Variants in FAM151B observed in about 807,000 individuals in gnomAD.
FAM151B encodes the protein protein FAM151B.
FAM151B carries 24 observed loss-of-function variants against 31.2 expected under a neutral mutation model. The ratio of observed to expected loss-of-function variants is 0.77; its 90% CI spans 0.56 to 1.08. FAM151B has a LOEUF of 1.08. FAM151B is among the 50% of genes least tolerant of loss of function. The probability of loss-of-function intolerance (pLI) is 0.00; values close to 1 mark genes in which losing one functional copy is unlikely to be tolerated. For synonymous variants in FAM151B, 105 were observed against 111.4 expected (o/e 0.94, Z 0.36); for missense variants, 293 against 328.6 (o/e 0.89, Z 0.84).
intron 3 of FAM151B, among the ~76,000 whole-genome samples, chr5:80,514,446 G>T (rs1744328054): frequency 6.7e-6 from 1 of 150,338 alleles, no homozygotes; most frequent in South Asian, 2.1e-4. Context: ...TTGAATTCCA[G>T]CCTGGGCTAC....
At chr5:80,489,145 A>G (rs139115481) in intron 1 of FAM151B, among the ~76,000 whole-genome samples, 326 of 152,308 alleles carry the variant, frequency 2.1e-3, no homozygotes, top group Middle Eastern at 0.01. Context: ...GTATACAATT[A>G]TATTGTAATT....
intron 1 of FAM151B, among the ~76,000 whole-genome samples, chr5:80,494,552 ACAC>A (rs1743460585): frequency 6.9e-6 from 1 of 145,226 alleles, no homozygotes; most frequent in East Asian, 2.0e-4. Context: ...TCCCTCTGTA[ACAC>A]AGGCTGGAGG....
intron 5 of FAM151B, among the ~76,000 whole-genome samples, chr5:80,527,172 C>G (rs1414655211): frequency 6.6e-6 from 1 of 152,088 alleles, no homozygotes; most frequent in Non-Finnish European, 1.5e-5. Flanking sequence ...CCTGTAATCT[C>G]AGCACTTTGA....
chr5:80,490,019 T>TACACACACACACAC (rs71601587), intron 1 of FAM151B, among the ~76,000 whole-genome samples: 3,805 of 144,628 alleles, frequency 0.026, 90 homozygotes, highest in East Asian at 0.074. Context: ...TTTTCCCCCT[T>TACACACACACACAC]ACACACACAC....
intron 5 of FAM151B, among the ~76,000 whole-genome samples, chr5:80,534,181 AAAG>A (rs1292737420): frequency 5.9e-5 from 9 of 152,324 alleles, no homozygotes; most frequent in Middle Eastern, 6.8e-3. Flanking sequence ...CCAAACATTT[AAAG>A]AAGAACTAAC....
intron 5 of FAM151B, among the ~76,000 whole-genome samples, chr5:80,527,018 G>A (rs1343094565): frequency 2.0e-5 from 3 of 152,170 alleles, no homozygotes; most frequent in Non-Finnish European, 4.4e-5. Flanking sequence ...TGCTAGTAGT[G>A]CCCAAACATA....
intron 5 of FAM151B, among the ~76,000 whole-genome samples, chr5:80,525,543 T>A (rs1744919227): frequency 6.6e-6 from 1 of 152,106 alleles, no homozygotes; most frequent in South Asian, 2.1e-4. Context: ...TGTATATCTG[T>A]CTCCAAACAG....
intron 1 of FAM151B, among the ~76,000 whole-genome samples, chr5:80,489,106 A>G (rs1390698043): frequency 1.3e-5 from 2 of 152,188 alleles, no homozygotes; most frequent in Non-Finnish European, 2.9e-5. Flanking sequence ...ATAATTTTGA[A>G]TGACTGAAGT....
chr5:80,518,404 A>C lies in FAM151B; in HGVS notation c.318-1289A>C, dbSNP rs1297937340. Among the ~76,000 whole-genome samples, 6 of 152,170 alleles carry C rather than the reference A, an allele frequency of 3.9e-5. No homozygotes were observed. The East Asian group carries it at 7.7e-4, about 20-fold the overall frequency. ...AAGCAAGCTTTGGAGTCACAGGTACAAGTTGCTTGCTACGAAAAATGGAAT... is the reference window on the plus strand; with the variant it reads ...AAGCAAGCTTTGGAGTCACAGGTACCAGTTGCTTGCTACGAAAAATGGAAT... On this transcript the variant is annotated intron_variant, in intron 3 of 5. Transcript: ENST00000282226.
At chr5:80,516,019 C>T (rs898913569) in intron 3 of FAM151B, among the ~76,000 whole-genome samples, 3 of 152,134 alleles carry the variant, frequency 2.0e-5, no homozygotes, top group Admixed American at 6.6e-5. Flanking sequence ...TTGTTTGGTA[C>T]ACAAATAAAA....
At chr5:80,496,149 T>C (rs894170730) in intron 1 of FAM151B, among the ~76,000 whole-genome samples, 2 of 152,200 alleles carry the variant, frequency 1.3e-5, no homozygotes, top group African/African-American at 4.8e-5. Flanking sequence ...CAAACAGCAT[T>C]GTGTGCCACA....
chr5:80,506,997 T>C (rs1002078724), intron 2 of FAM151B, among the ~76,000 whole-genome samples: 1 of 151,904 alleles, frequency 6.6e-6, no homozygotes, highest in Non-Finnish European at 1.5e-5. Flanking sequence ...TGCATGCCTG[T>C]AGTCCCAGCT....
At chr5:80,538,406 T>TTC (rs1210266559) in intron 5 of FAM151B, among the ~76,000 whole-genome samples, 3 of 49,242 alleles carry the variant, frequency 6.1e-5, no homozygotes, top group African/African-American at 3.4e-4. Context: ...CTTTCTTTCT[T>TTC]TCTTTCTTTC....
chr5:80,541,643 A>C (rs1745898128), intron 5 of FAM151B, 30 bp from the exon 6 acceptor site: 1 of 1,603,548 alleles, frequency 6.2e-7, no homozygotes, highest in African/African-American at 1.3e-5. Flanking sequence ...TCCACTTTTA[A>C]CTGTATAATT....
intron 5 of FAM151B, among the ~76,000 whole-genome samples, chr5:80,537,323 C>T (rs989622466): frequency 2.6e-5 from 4 of 152,204 alleles, no homozygotes; most frequent in Non-Finnish European, 5.9e-5. Flanking sequence ...GCTTACTACA[C>T]TTTTACTTTT....
At chr5:80,534,392 A>G (rs967888613) in intron 5 of FAM151B, among the ~76,000 whole-genome samples, 58 of 152,354 alleles carry the variant, frequency 3.8e-4, no homozygotes, top group African/African-American at 1.4e-3. Context: ...CCAATACATT[A>G]AAAAGATCAT....
chr5:80,515,399 TC>T (rs1744392574), intron 3 of FAM151B, among the ~76,000 whole-genome samples: 1 of 152,144 alleles, frequency 6.6e-6, no homozygotes, highest in Non-Finnish European at 1.5e-5. Flanking sequence ...TACAACCAGA[TC>T]CTAATTCTCC....
chr5:80,498,014 T>C (rs1743612234), intron 1 of FAM151B, among the ~76,000 whole-genome samples: 1 of 152,230 alleles, frequency 6.6e-6, no homozygotes, highest in African/African-American at 2.4e-5. Context: ...GTTTTTCTGG[T>C]AATGTAATGC....
intron 5 of FAM151B, among the ~76,000 whole-genome samples, chr5:80,530,118 G>C (rs1424552757): frequency 6.6e-6 from 1 of 152,106 alleles, no homozygotes; most frequent in Non-Finnish European, 1.5e-5. Flanking sequence ...CATATAAACA[G>C]AACCAAAGAC....
Sources: allele counts gnomAD v4.1 joint callset (sites outside exome capture counted in the v4.1 genomes callset), GRCh38; gene constraint gnomAD v4.1.1; transcripts MANE v1.5; gene names NCBI Gene and HGNC (gene_info 2026-07-23, HGNC 2026-07-21).